The following ADAMTS6 variants were observed in gnomAD, a reference collection of about 807,000 sequenced individuals.
ADAMTS6 encodes the protein ADAM metallopeptidase with thrombospondin type 1 motif 6.
A neutral mutation model predicts 144.3 loss-of-function variants in ADAMTS6; 23 were observed. The ratio of observed to expected loss-of-function variants is 0.16; its 90% CI spans 0.11 to 0.23. The LOEUF is 0.23. ADAMTS6 is among the 10% of genes least tolerant of loss of function. The pLI is 1.00. For missense variants in ADAMTS6, 999 were observed against 1,379.6 expected, an observed-to-expected ratio of 0.72 and a Z score of 4.37; for synonymous variants, 444 against 457.5, an observed-to-expected ratio of 0.97 and a Z score of 0.38.
intron 3 of ADAMTS6, among the ~76,000 whole-genome samples, chr5:65,464,105 T>C (rs1437719708): frequency 6.6e-6 from 1 of 152,368 alleles, no homozygotes; most frequent in Middle Eastern, 3.4e-3. Flanking sequence ...TGCAACATCA[T>C]TCCTGAAATA....
chr5:65,477,421 T>C (rs539457757), intron 1 of ADAMTS6, among the ~76,000 whole-genome samples: 40 of 152,302 alleles, frequency 2.6e-4, no homozygotes, highest in African/African-American at 9.6e-4. Flanking sequence ...ACTTACAATA[T>C]AGTTGACTGG....
chr5:65,157,031 T>C (rs1752465954), intron 24 of ADAMTS6, among the ~76,000 whole-genome samples: 1 of 152,238 alleles, frequency 6.6e-6, no homozygotes, highest in African/African-American at 2.4e-5. Flanking sequence ...TTACGGAGAA[T>C]TCCCAAATTC....
chr5:65,286,685 GA>G (rs1741702617), intron 11 of ADAMTS6, among the ~76,000 whole-genome samples: 1 of 152,078 alleles, frequency 6.6e-6, no homozygotes, highest in Admixed American at 6.5e-5. Context: ...AAGTGTACTG[GA>G]AAACAATAAT....
chr5:65,445,281 T>C (rs1216301921), intron 7 of ADAMTS6, among the ~76,000 whole-genome samples: 3 of 152,192 alleles, frequency 2.0e-5, no homozygotes, highest in East Asian at 3.8e-4. Flanking sequence ...CAGGTCCTAA[T>C]ATGTGCCTGT....
chr5:65,205,657 G>A (rs1756037242), intron 20 of ADAMTS6, among the ~76,000 whole-genome samples: 1 of 152,022 alleles, frequency 6.6e-6, no homozygotes, highest in Admixed American at 6.6e-5. Flanking sequence ...TTTTTAAAGG[G>A]GCCAAGGCAT....
At chr5:65,326,815 T>C (rs976159331) in intron 9 of ADAMTS6, among the ~76,000 whole-genome samples, 2 of 152,118 alleles carry the variant, frequency 1.3e-5, no homozygotes, top group African/African-American at 2.4e-5. Flanking sequence ...TGTGCCAGAG[T>C]TGACCGCTAA....
Position 65,441,824 on chromosome 5 carries a change from C to A in ADAMTS6, c.1073+9651G>T, listed in dbSNP as rs80240178. 3.5e-3 allele frequency among the ~76,000 whole-genome samples: 495 copies of A among 140,502 alleles called. 2 individuals are homozygous for A. The highest frequency in any genetic ancestry group is 0.013 in the African/African-American group (444 of 34,172). The allele number at this position is 140,502 out of a possible 152,430, so 92.2% of individuals were successfully genotyped here. A position where few individuals can be genotyped will look rare whatever the true frequency, so the allele number is the denominator to read the frequency against. On this transcript the variant is annotated intron_variant, in intron 7 of 24. Transcript: ENST00000381055. ...ACTAAATAACACAATTCTAAGTAAG[C>A]CATGGGTCAAAAAAAAAAAAAAAGA...
chr5:65,149,278 T>G lies in ADAMTS6; in HGVS notation c.*2558A>C, dbSNP rs1461475297. On this transcript the variant is annotated 3_prime_UTR_variant, in exon 25 of 25. Coordinates refer to ENST00000381055, the MANE Select transcript of ADAMTS6 (RefSeq NM_197941.4). ...GCCTCCACTGACAATGCTATTGTTATTATTTAGGAATAGGGCATCATGTAG... is the reference window on the plus strand; with the variant it reads ...GCCTCCACTGACAATGCTATTGTTAGTATTTAGGAATAGGGCATCATGTAG... 3 of 152,260 alleles carry G rather than the reference T, an allele frequency of 2.0e-5. No individual in the cohort carries two copies. Among genetic ancestry groups the G allele is most frequent in the Admixed American group, 2.0e-4 (3 of 15,288 alleles). The allele number at this position is 152,260 out of a possible 1,614,324, so 9.4% of individuals were successfully genotyped here. A position where few individuals can be genotyped will look rare whatever the true frequency, so the allele number is the denominator to read the frequency against.
chr5:65,257,103 T>A (rs1481845854), intron 14 of ADAMTS6, among the ~76,000 whole-genome samples: 1 of 151,264 alleles, frequency 6.6e-6, no homozygotes, highest in African/African-American at 2.4e-5. Context: ...GTGCAGGGAT[T>A]ACAGGCCTGA....
At chr5:65,276,016 ATGAAAGTTCTATTAT>A (rs67113570) in intron 11 of ADAMTS6, among the ~76,000 whole-genome samples, 30,071 of 152,080 alleles carry the variant, frequency 0.2, 3,008 homozygotes, top group Non-Finnish European at 0.22. Flanking sequence ...AAACTAAGCG[ATGAAAGTTCTATTAT>A]TGAAAAAGAC....
At chr5:65,259,729 T>C (rs968661769) in intron 14 of ADAMTS6, among the ~76,000 whole-genome samples, 3 of 152,116 alleles carry the variant, frequency 2.0e-5, no homozygotes, top group Non-Finnish European at 2.9e-5. Context: ...ATAACTAGCA[T>C]GGTTTTTTGG....
intron 12 of ADAMTS6, among the ~76,000 whole-genome samples, chr5:65,265,946 C>T (rs1163909433): frequency 1.3e-5 from 2 of 151,412 alleles, no homozygotes; most frequent in Admixed American, 6.6e-5. Context: ...GAATAACATG[C>T]TTTACTGGAT....
chr5:65,160,451 T>C (rs1309502585), intron 24 of ADAMTS6, among the ~76,000 whole-genome samples: 1 of 145,858 alleles, frequency 6.9e-6, no homozygotes, highest in African/African-American at 2.6e-5. Flanking sequence ...GGACTACAGG[T>C]GCCCACCACC....
At chr5:65,334,435 T>C (rs1259698487) in intron 7 of ADAMTS6, among the ~76,000 whole-genome samples, 1 of 152,218 alleles carries the variant, frequency 6.6e-6, no homozygotes, top group Non-Finnish European at 1.5e-5. Context: ...ATAGGTGGCT[T>C]CTTATTTCCA....
chr5:65,451,578 T>C lies in ADAMTS6; in HGVS notation c.970A>G (p.Ser324Gly). The change falls in exon 7 of 25, where the codon AGC becomes GGC. Residue 324 changes from serine to glycine, a missense_variant. Coordinates refer to ENST00000381055, the MANE Select transcript of ADAMTS6 (RefSeq NM_197941.4). ...INHHADKSLD[S>G]FCKWQKSILS... ...ATGGATTTCTGCCATTTACAGAAGC[T>C]ATCGAGGGACTTGTCTGCATGGTGG... is the stretch of plus-strand genomic sequence containing the variant. The C allele has an allele frequency of 1.2e-6, 2 of 1,613,312 alleles. No homozygotes were observed. The highest frequency in any genetic ancestry group is 1.7e-6 in the Non-Finnish European group (2 of 1,179,672).
intron 20 of ADAMTS6, among the ~76,000 whole-genome samples, chr5:65,207,455 C>G (rs1372491359): frequency 6.6e-6 from 1 of 151,990 alleles, no homozygotes; most frequent in Admixed American, 6.6e-5. Flanking sequence ...AGAACAGGTA[C>G]AAAGTTAAAT....
chr5:65,231,955 C>T (rs750750667), intron 15 of ADAMTS6, among the ~76,000 whole-genome samples: 27 of 152,060 alleles, frequency 1.8e-4, no homozygotes, highest in Non-Finnish European at 3.4e-4. Context: ...ACTAAAACTA[C>T]AAAAAGTTAG....
intron 7 of ADAMTS6, among the ~76,000 whole-genome samples, chr5:65,442,889 C>T (rs1757975737): frequency 6.6e-6 from 1 of 152,122 alleles, no homozygotes; most frequent in South Asian, 2.1e-4. Context: ...TCCATGTGTT[C>T]TCATTGTTCA....
At chr5:65,242,241 T>C (rs1759254435) in intron 14 of ADAMTS6, 35 bp from the exon 15 acceptor site, 1 of 1,521,938 alleles carries the variant, frequency 6.6e-7, no homozygotes, top group Non-Finnish European at 9.0e-7. Flanking sequence ...GGTACCATTG[T>C]TGGAAAATAC....
Sources: gnomAD v4.1 joint callset for allele counts (sites outside exome capture counted in the v4.1 genomes callset) on GRCh38, gnomAD v4.1.1 for gene constraint, MANE v1.5 for transcripts, NCBI Gene and HGNC (gene_info 2026-07-23, HGNC 2026-07-21) for gene names.